KDM7A: variants seen among roughly 807,000 people sequenced by gnomAD.
KDM7A encodes the protein lysine-specific demethylase 7A.
A neutral mutation model predicts 114.8 loss-of-function variants in KDM7A; 28 were observed. The ratio of observed to expected loss-of-function variants is 0.24; its 90% CI spans 0.18 to 0.33. The LOEUF (loss-of-function observed/expected upper bound fraction) is 0.33, where lower values mean the gene tolerates loss of function less well. KDM7A is among the 10% of genes least tolerant of loss of function. KDM7A has a pLI of 1.00. For missense variants in KDM7A, 942 were observed against 1,142.5 expected (o/e 0.82, Z 2.53); for synonymous variants, 423 against 397.8 (o/e 1.06, Z -0.75).
At chr7:140,162,292 G>A (rs544355527) in intron 1 of KDM7A, among the ~76,000 whole-genome samples, 14 of 150,642 alleles carry the variant, frequency 9.3e-5, no homozygotes, top group African/African-American at 2.7e-4. Flanking sequence ...CCAAGATTGC[G>A]CCATTGCACT....
At chr7:140,120,631 A>C in intron 7 of KDM7A, 102 bp from the exon 8 acceptor site, 1 of 694,636 alleles carries the variant, frequency 1.4e-6, no homozygotes, top group East Asian at 2.6e-5. Context: ...ATATCAGTTT[A>C]CTTCATATTT....
At chr7:140,134,820 T>G (rs1818841574) in intron 2 of KDM7A, among the ~76,000 whole-genome samples, 1 of 152,134 alleles carries the variant, frequency 6.6e-6, no homozygotes, top group Non-Finnish European at 1.5e-5. Flanking sequence ...CAATATGTTT[T>G]GGGGAAAACA....
chr7:140,101,641 A>T (rs1461708141), intron 12 of KDM7A, among the ~76,000 whole-genome samples: 4 of 152,150 alleles, frequency 2.6e-5, no homozygotes, highest in African/African-American at 9.7e-5. Flanking sequence ...CTAGGATGGA[A>T]GCTTCATGAG....
At chr7:140,095,899 A>G (rs953611710) in intron 17 of KDM7A, among the ~76,000 whole-genome samples, 2 of 152,058 alleles carry the variant, frequency 1.3e-5, no homozygotes, top group African/African-American at 4.8e-5. Flanking sequence ...TAAATAAATA[A>G]TAAAAAAAAT....
At chr7:140,122,406 A>C (rs545779927) in intron 7 of KDM7A, among the ~76,000 whole-genome samples, 6 of 151,332 alleles carry the variant, frequency 4.0e-5, no homozygotes, top group African/African-American at 1.5e-4. Flanking sequence ...TACCTAACAT[A>C]AAAGCAAGAA....
chr7:140,159,353 A>G (rs1038514793), intron 1 of KDM7A, among the ~76,000 whole-genome samples: 25 of 152,164 alleles, frequency 1.6e-4, no homozygotes, highest in African/African-American at 6.0e-4. Context: ...TATTGGAGAA[A>G]AAAATAAAAA....
intron 17 of KDM7A, 96 bp downstream of exon 17, chr7:140,096,459 G>A (rs1202493921): frequency 3.2e-6 from 3 of 931,752 alleles, no homozygotes; most frequent in African/African-American, 3.3e-5. Context: ...AATTAAAGAT[G>A]CTTATTCATA....
chr7:140,111,330 G>A, intron 10 of KDM7A, 146 bp from the exon 11 acceptor site: 2 of 582,908 alleles, frequency 3.4e-6, no homozygotes, highest in Non-Finnish European at 3.0e-6. Flanking sequence ...AGTTCGTGTA[G>A]CTAGTATAAT....
intron 1 of KDM7A, among the ~76,000 whole-genome samples, chr7:140,155,501 G>A (rs902254400): frequency 6.6e-6 from 1 of 152,166 alleles, no homozygotes; most frequent in Non-Finnish European, 1.5e-5. Flanking sequence ...CTCCATTCCT[G>A]GCTAGGGTCA....
chr7:140,159,409 C>T (rs1794493433), intron 1 of KDM7A, among the ~76,000 whole-genome samples: 1 of 150,780 alleles, frequency 6.6e-6, no homozygotes. Context: ...GGCATGCTAA[C>T]AAAAAAAAAT....
intron 1 of KDM7A, among the ~76,000 whole-genome samples, chr7:140,170,613 A>G (rs889716405): frequency 6.6e-6 from 1 of 152,208 alleles, no homozygotes; most frequent in Non-Finnish European, 1.5e-5. Context: ...AATAATAGCA[A>G]TTACTCAACA....
intron 1 of KDM7A, among the ~76,000 whole-genome samples, chr7:140,140,334 C>T (rs928507718): frequency 1.3e-5 from 2 of 152,096 alleles, no homozygotes; most frequent in African/African-American, 4.8e-5. Flanking sequence ...AGATTCAGGA[C>T]AAGTATTTGA....
intron 1 of KDM7A, among the ~76,000 whole-genome samples, chr7:140,160,354 T>C (rs751706508): frequency 5.9e-5 from 9 of 152,164 alleles, no homozygotes; most frequent in Non-Finnish European, 1.0e-4. Flanking sequence ...CTAACGTTAC[T>C]TGAAGTCCTA....
chr7:140,098,541 T>C (rs1818152902), intron 14 of KDM7A, among the ~76,000 whole-genome samples: 1 of 152,224 alleles, frequency 6.6e-6, no homozygotes, highest in Admixed American at 6.5e-5. Context: ...TGAACTTACA[T>C]ATAAAATTAA....
At position 140,173,612 on chromosome 7, in the gene KDM7A, T is replaced by G. The variant is rs78899498; in HGVS notation, c.194+3132A>C. Reference sequence around the variant, plus strand: ...AATTACCCAGGCAATGGCAATTCTCTGTATCCAACCTCCTACTCCTCCTTG... The same window carrying G: ...AATTACCCAGGCAATGGCAATTCTCGGTATCCAACCTCCTACTCCTCCTTG... On this transcript the variant is annotated intron_variant, in intron 1 of 19. Transcript: ENST00000397560. Among the ~76,000 whole-genome samples the G allele has an allele frequency of 4.3e-3, 659 of 152,294 alleles. 7 individuals are homozygous for G. Among genetic ancestry groups the G allele is most frequent in the African/African-American group, 0.015 (611 of 41,548 alleles).
chr7:140,096,612 G>A lies in KDM7A; in HGVS notation c.2317C>T (p.His773Tyr). 6.2e-7 allele frequency: 1 copy of A among 1,614,140 alleles called. No individual in the cohort carries two copies. The highest frequency in any genetic ancestry group is 1.3e-5 in the African/African-American group (1 of 75,032). Residue 773 changes from histidine (H) to tyrosine (Y), a missense_variant, in exon 17 of 20, where the codon CAT (histidine) becomes TAT (tyrosine). This residue lies in a region of KDM7A where 512 missense variants were observed against 576.6 expected (regional missense o/e 0.89). Transcript: ENST00000397560. The part of the protein sequence containing the change: ...RNSLQDPSSC[H>Y]GSNHEVRQLY... ...TGCCTAACCTCATGGTTACTGCCATGGCAGCTGCTGGGATCCTGGAGAGAG... is the reference window on the plus strand; with the variant it reads ...TGCCTAACCTCATGGTTACTGCCATAGCAGCTGCTGGGATCCTGGAGAGAG...
rs552811313 is a variant in KDM7A, at chr7:140,149,729, A to G, written c.195-10539T>C. On this transcript the variant is annotated intron_variant, in intron 1 of 19. Coordinates refer to ENST00000397560, the MANE Select transcript of KDM7A (RefSeq NM_030647.2). ...TTATAAACTGTGATACAGCAAATAA[A>G]TATCATCCCAAAATGAATATGATGT... Among the ~76,000 whole-genome samples, 89 of 152,350 alleles carry G rather than the reference A, an allele frequency of 5.8e-4. 1 individual carries two copies. The highest frequency in any genetic ancestry group is 6.8e-3 in the Middle Eastern group (2 of 294).
chr7:140,107,541 G>A (rs963486439), intron 11 of KDM7A, among the ~76,000 whole-genome samples: 2 of 152,164 alleles, frequency 1.3e-5, no homozygotes, highest in East Asian at 3.8e-4. Context: ...AGCTTAGTTT[G>A]GCTGGATATG....
intron 1 of KDM7A, among the ~76,000 whole-genome samples, chr7:140,157,912 T>C (rs1409334385): frequency 1.3e-5 from 2 of 150,614 alleles, no homozygotes; most frequent in East Asian, 3.9e-4. Context: ...GAGGTTGCAG[T>C]GAGCCGAGAT....
Sources: allele counts gnomAD v4.1 joint callset (sites outside exome capture counted in the v4.1 genomes callset), GRCh38; gene constraint gnomAD v4.1.1; regional missense constraint gnomAD v4.1.1; transcripts MANE v1.5; gene names NCBI Gene and HGNC (gene_info 2026-07-23, HGNC 2026-07-21).